Variants in DNAH6 observed in about 807,000 individuals in gnomAD.
The protein encoded by DNAH6 is dynein axonemal heavy chain 6, also known as axonemal beta dynein heavy chain 6.
DNAH6 carries 340 observed loss-of-function variants against 491.4 expected under a neutral mutation model. That is an observed-to-expected ratio of 0.69 (90% CI 0.63 to 0.76). The LOEUF (loss-of-function observed/expected upper bound fraction) is 0.76. Among genes scored for constraint, DNAH6 ranks in the 30% least tolerant of loss-of-function variants. The pLI, the probability that DNAH6 is intolerant of heterozygous loss-of-function variation, is 0.00. For synonymous variants in DNAH6, 1,603 were observed against 1,686.1 expected, an observed-to-expected ratio of 0.95 and a Z score of 1.21; for missense variants, 4,443 against 4,972.2, an observed-to-expected ratio of 0.89 and a Z score of 3.20.
chr2:84,475,831 C>T, the DNAH6 span, among the ~76,000 whole-genome samples: 1,030 of 152,256 alleles, frequency 6.8e-3, 9 homozygotes, highest in African/African-American at 0.023. Flanking sequence ...AGGTCCTTGT[C>T]GGACAGAACT....
intron 11 of DNAH6, among the ~76,000 whole-genome samples, chr2:84,560,399 C>T (rs1573020031): frequency 6.6e-6 from 1 of 151,144 alleles, no homozygotes; most frequent in Non-Finnish European, 1.5e-5. Context: ...TTTTATCTAG[C>T]CAACCTAGTC....
chr2:84,611,908 G>A, intron 22 of DNAH6, 54 bp downstream of exon 22: 1 of 1,445,576 alleles, frequency 6.9e-7, no homozygotes, highest in South Asian at 1.3e-5. Flanking sequence ...TAGTAGTCTG[G>A]GACTTTAGTC....
chr2:84,723,522 A>C, intron 60 of DNAH6, among the ~76,000 whole-genome samples: 1 of 152,142 alleles, frequency 6.6e-6, no homozygotes, highest in East Asian at 1.9e-4. Context: ...TTCTTTAGAC[A>C]TCCTCTGCAG....
At chr2:84,601,963 TATTTTACTATTTCAC>T (rs1224452060) in intron 18 of DNAH6, among the ~76,000 whole-genome samples, 8 of 152,142 alleles carry the variant, frequency 5.3e-5, no homozygotes, top group Admixed American at 4.6e-4. Flanking sequence ...CCAAATCAAT[TATTTTACTATTTCAC>T]ATGTACTGTA....
At chr2:84,515,843 C>G (rs1675553697), upstream of DNAH6, among the ~76,000 whole-genome samples, 1 of 152,148 alleles carries the variant, frequency 6.6e-6, no homozygotes, top group African/African-American at 2.4e-5. Flanking sequence ...AGAATAAGAT[C>G]CAGGGTCTGC....
chr2:84,615,072 G>T (rs1686711925), intron 22 of DNAH6, among the ~76,000 whole-genome samples: 1 of 151,704 alleles, frequency 6.6e-6, no homozygotes. Flanking sequence ...TTTGAGTTTT[G>T]GTCGCATTTG....
intron 47 of DNAH6, among the ~76,000 whole-genome samples, 153 bp from the exon 48 acceptor site, chr2:84,699,441 G>A (rs1573527120): frequency 6.6e-6 from 1 of 152,294 alleles, no homozygotes; most frequent in Admixed American, 6.5e-5. Context: ...GAGAGAAAGA[G>A]GTTGGAGTGA....
chr2:84,589,486 T>C (rs1683883686), intron 16 of DNAH6, among the ~76,000 whole-genome samples: 2 of 151,924 alleles, frequency 1.3e-5, no homozygotes, highest in African/African-American at 4.8e-5. Context: ...CCAAGGCACT[T>C]GGATCACTTA....
the DNAH6 span, among the ~76,000 whole-genome samples, chr2:84,473,583 G>A: frequency 6.6e-6 from 1 of 152,194 alleles, no homozygotes; most frequent in South Asian, 2.1e-4. Context: ...GTTAAGGTTA[G>A]AATCACCTCG....
In DNAH6 at chr2:84,584,233, G is replaced by A. The variant is rs1325229081; in HGVS notation, c.2464G>A (p.Val822Ile). 2.5e-6 allele frequency: 4 copies of A among 1,613,910 alleles called. No homozygotes were observed. Among genetic ancestry groups the A allele is most frequent in the Non-Finnish European group, 3.4e-6 (4 of 1,179,906 alleles). ...AGAATTAAACAACGAAGTGAATGAA[G>A]TAAAACTGCAAGCACAGGTAAGCTA... is the stretch of plus-strand genomic sequence containing the variant. ...LEELNNEVNE[V>I]KLQAQDPQIL... The change falls in exon 15 of 77, where the codon GTA becomes ATA. Residue 822 changes from valine to isoleucine, a missense_variant. By Grantham distance (29) the Val-to-Ile change is conservative. This residue lies in a region of DNAH6 where 2,977 missense variants were observed against 3,296.6 expected (regional missense o/e 0.90). Coordinates refer to ENST00000389394, the MANE Select transcript of DNAH6 (RefSeq NM_001370.2).
chr2:84,565,759 T>C (rs1206309414), intron 11 of DNAH6, among the ~76,000 whole-genome samples: 2 of 152,014 alleles, frequency 1.3e-5, no homozygotes, highest in African/African-American at 2.4e-5. Context: ...AATAAATCTT[T>C]TAATAAATCT....
chr2:84,719,361 A>C (rs1697862841), intron 59 of DNAH6, among the ~76,000 whole-genome samples: 1 of 151,980 alleles, frequency 6.6e-6, no homozygotes, highest in African/African-American at 2.4e-5. Context: ...ATTTTTTAGC[A>C]AAGTTGTACA....
chr2:84,703,267 GA>G, intron 49 of DNAH6, 127 bp from the exon 50 acceptor site: 1 of 687,518 alleles, frequency 1.5e-6, no homozygotes, highest in Non-Finnish European at 2.3e-6. Flanking sequence ...TTCACAACCT[GA>G]ATTATTACAA....
chr2:84,647,274 T>C (rs1689994590), intron 33 of DNAH6, among the ~76,000 whole-genome samples: 1 of 152,204 alleles, frequency 6.6e-6, no homozygotes, highest in Admixed American at 6.5e-5. Flanking sequence ...TAACATAAGG[T>C]ACAAGGTAAA....
chr2:84,714,672 G>C (rs1697355193), intron 57 of DNAH6, among the ~76,000 whole-genome samples: 1 of 151,756 alleles, frequency 6.6e-6, no homozygotes, highest in Admixed American at 6.6e-5. Context: ...CTCCAAAAAA[G>C]AAGTGTGACC....
At chr2:84,655,966 C>T (rs1046492365) in intron 35 of DNAH6, among the ~76,000 whole-genome samples, 5 of 152,120 alleles carry the variant, frequency 3.3e-5, no homozygotes, top group African/African-American at 4.8e-5. Flanking sequence ...TCCCTACTCC[C>T]CATCCTTTAA....
At chr2:84,508,704 A>T in the DNAH6 span, among the ~76,000 whole-genome samples, 2 of 151,996 alleles carry the variant, frequency 1.3e-5, no homozygotes, top group African/African-American at 2.4e-5. Context: ...ATGGGCATTT[A>T]GTGCTATAAA....
chr2:84,595,833 T>C, intron 18 of DNAH6, 44 bp downstream of exon 18: 4 of 1,504,158 alleles, frequency 2.7e-6, no homozygotes, highest in Non-Finnish European at 3.5e-6. Flanking sequence ...GGCCAGTTGG[T>C]TATTAATTGA....
At chr2:84,637,709 T>C (rs1232879449) in intron 31 of DNAH6, among the ~76,000 whole-genome samples, 1 of 152,192 alleles carries the variant, frequency 6.6e-6, no homozygotes, top group African/African-American at 2.4e-5. Flanking sequence ...CAGATTATTT[T>C]TATTTCTCTT....
Sources: allele counts gnomAD v4.1 joint callset (sites outside exome capture counted in the v4.1 genomes callset), GRCh38; gene constraint gnomAD v4.1.1; regional missense constraint gnomAD v4.1.1; transcripts MANE v1.5; gene names NCBI Gene and HGNC (gene_info 2026-07-23, HGNC 2026-07-21).